Variants in ELMOD1 observed in about 807,000 individuals in gnomAD.
ELMOD1 encodes ELMO domain containing 1.
A neutral mutation model predicts 46.7 loss-of-function variants in ELMOD1; 21 were observed. The ratio of observed to expected loss-of-function variants is 0.45; its 90% CI spans 0.32 to 0.65. ELMOD1 has a LOEUF of 0.65. Among genes scored for constraint, ELMOD1 ranks in the 30% least tolerant of loss-of-function variants. ELMOD1 has a pLI of 0.04. For missense variants in ELMOD1, 348 were observed against 407.8 expected, an observed-to-expected ratio of 0.85 and a Z score of 1.26; for synonymous variants, 122 against 138.2, an observed-to-expected ratio of 0.88 and a Z score of 0.82.
intron 1 of ELMOD1, among the ~76,000 whole-genome samples, chr11:107,611,876 G>C (rs754567819): frequency 1.3e-5 from 2 of 152,092 alleles, no homozygotes; most frequent in Admixed American, 1.3e-4. Flanking sequence ...AACAGCAGAT[G>C]CTGGCAAGGC....
intron 5 of ELMOD1, among the ~76,000 whole-genome samples, chr11:107,635,379 C>T (rs892837641): frequency 1.2e-4 from 18 of 152,242 alleles, no homozygotes; most frequent in African/African-American, 4.3e-4. Context: ...CCTCAGAAAT[C>T]CCTTATTTTT....
chr11:107,638,279 G>C (rs754916935), intron 6 of ELMOD1, among the ~76,000 whole-genome samples: 1 of 152,174 alleles, frequency 6.6e-6, no homozygotes, highest in South Asian at 2.1e-4. Context: ...TTTCAAGTAC[G>C]ATGATAAAAT....
intron 11 of ELMOD1, among the ~76,000 whole-genome samples, chr11:107,657,359 C>T (rs1237073171): frequency 1.3e-5 from 2 of 152,068 alleles, no homozygotes; most frequent in Non-Finnish European, 2.9e-5. Context: ...GCCCAGGCAA[C>T]ATAGCGAGAC....
intron 1 of ELMOD1, among the ~76,000 whole-genome samples, chr11:107,601,654 G>A (rs948967364): frequency 2.0e-5 from 3 of 151,798 alleles, no homozygotes; most frequent in East Asian, 3.9e-4. Flanking sequence ...GGGCTCAAAC[G>A]ATCCACCTGC....
At chr11:107,645,101 T>TG in intron 6 of ELMOD1, among the ~76,000 whole-genome samples, 1 of 146,590 alleles carries the variant, frequency 6.8e-6, no homozygotes, top group East Asian at 2.0e-4. Context: ...TTTTTTTTTT[T>TG]TTTTTTTTTG....
Position 107,666,353 on chromosome 11 carries a change from A to G in ELMOD1, c.*1156A>G, listed in dbSNP as rs1156523782. 6.6e-6 allele frequency: 1 copy of G among 152,196 alleles called. No homozygotes were observed. The highest frequency in any genetic ancestry group is 1.5e-5 in the Non-Finnish European group (1 of 68,038). The allele number at this position is 152,196 out of a possible 1,614,324, so 9.4% of individuals were successfully genotyped here. A position where few individuals can be genotyped will look rare whatever the true frequency, so the allele number is the denominator to read the frequency against. The stretch of plus-strand genomic sequence containing the variant: ...CCTGGCACTGTTCTGATCCAAGCAT[A>G]TTTGCTTGGGGAACTAAGTGCTGAC... On this transcript the variant is annotated 3_prime_UTR_variant, in exon 12 of 12. Transcript: ENST00000265840.
At chr11:107,656,946 T>C (rs1866645126) in intron 11 of ELMOD1, among the ~76,000 whole-genome samples, 1 of 152,170 alleles carries the variant, frequency 6.6e-6, no homozygotes, top group African/African-American at 2.4e-5. Context: ...CTCTGTGAAG[T>C]CTTATATTTG....
intron 2 of ELMOD1, chr11:107,625,535 A>G: frequency 1.0e-6 from 1 of 985,386 alleles, no homozygotes. Context: ...CATTACAGGT[A>G]CCCACACCCC....
At chr11:107,635,321 C>T (rs1458902477) in intron 5 of ELMOD1, among the ~76,000 whole-genome samples, 1 of 152,076 alleles carries the variant, frequency 6.6e-6, no homozygotes, top group African/African-American at 2.4e-5. Flanking sequence ...TGCTTTGTTG[C>T]CCAGGCTGGT....
intron 9 of ELMOD1, chr11:107,653,942 AG>A (rs545205116): frequency 7.8e-6 from 4 of 510,048 alleles, no homozygotes; most frequent in Non-Finnish European, 1.4e-5. Flanking sequence ...TTTGGCCTTT[AG>A]GGCTGTCTCC....
At chr11:107,654,250 T>A (rs771964268) in intron 10 of ELMOD1, 28 bp downstream of exon 10, 59 of 1,572,274 alleles carry the variant, frequency 3.8e-5, no homozygotes, top group Non-Finnish European at 4.7e-5. Flanking sequence ...CATGGAAAGA[T>A]GGTCCGTCTG....
intron 4 of ELMOD1, 112 bp downstream of exon 4, chr11:107,630,840 C>A (rs998255401): frequency 9.8e-7 from 1 of 1,025,500 alleles, no homozygotes; most frequent in Non-Finnish European, 1.4e-6. Context: ...AAAACTACTG[C>A]CAACTGAGAA....
At chr11:107,621,483 G>A (rs1274383003) in intron 2 of ELMOD1, among the ~76,000 whole-genome samples, 2 of 152,232 alleles carry the variant, frequency 1.3e-5, no homozygotes, top group East Asian at 3.8e-4. Flanking sequence ...GTCATTTAGT[G>A]TGCATTCATT....
intron 1 of ELMOD1, among the ~76,000 whole-genome samples, chr11:107,599,775 A>T (rs1417265314): frequency 1.3e-5 from 2 of 151,062 alleles, no homozygotes; most frequent in African/African-American, 4.9e-5. Flanking sequence ...GAAAAAAAAA[A>T]AAAACTGTAT....
At chr11:107,627,611 A>G (rs2135684162) in intron 2 of ELMOD1, among the ~76,000 whole-genome samples, 1 of 152,282 alleles carries the variant, frequency 6.6e-6, no homozygotes, top group South Asian at 2.1e-4. Flanking sequence ...GCTGTAGGTA[A>G]CTCTATATAT....
chr11:107,613,935 C>A (rs1865819646), intron 1 of ELMOD1, among the ~76,000 whole-genome samples: 1 of 152,200 alleles, frequency 6.6e-6, no homozygotes, highest in Non-Finnish European at 1.5e-5. Flanking sequence ...GTCTTCCTGA[C>A]CTTCAGATCC....
At chr11:107,612,354 A>G (rs747163486) in intron 1 of ELMOD1, among the ~76,000 whole-genome samples, 1 of 152,184 alleles carries the variant, frequency 6.6e-6, no homozygotes, top group Non-Finnish European at 1.5e-5. Flanking sequence ...GGTGACTACT[A>G]GAGTTGGGAG....
intron 1 of ELMOD1, among the ~76,000 whole-genome samples, chr11:107,595,976 G>T (rs1272522711): frequency 1.3e-5 from 2 of 151,914 alleles, no homozygotes; most frequent in Admixed American, 1.3e-4. Context: ...TGCTTTTTTG[G>T]TGCAAGGCAA....
intron 6 of ELMOD1, chr11:107,642,773 A>G (rs1326005011): frequency 1.7e-5 from 3 of 174,828 alleles, no homozygotes; most frequent in Non-Finnish European, 3.8e-5. Flanking sequence ...AGACAACTAT[A>G]CTAAACGAAG....
Sources: gnomAD v4.1 joint callset for allele counts (sites outside exome capture counted in the v4.1 genomes callset) on GRCh38, gnomAD v4.1.1 for gene constraint, MANE v1.5 for transcripts, NCBI Gene and HGNC (gene_info 2026-07-23, HGNC 2026-07-21) for gene names.